The following DPF3 variants were observed in gnomAD, a reference collection of about 807,000 sequenced individuals.
DPF3 encodes zinc finger protein DPF3.
In DPF3, 18 loss-of-function variants were observed where a neutral mutation model predicts 56.8. The observed-to-expected ratio is 0.32, with a 90% CI of 0.22 to 0.47. The LOEUF is 0.47. Ranked by LOEUF, DPF3 falls within the 20% of genes least tolerant of loss-of-function variation. The pLI is 1.00. For synonymous variants in DPF3, 188 were observed against 180.2 expected, an observed-to-expected ratio of 1.04 and a Z score of -0.35; for missense variants, 403 against 488.8, an observed-to-expected ratio of 0.82 and a Z score of 1.65.
intron 1 of DPF3, among the ~76,000 whole-genome samples, chr14:72,801,495 C>T (rs999021439): frequency 2.0e-5 from 3 of 152,214 alleles, no homozygotes; most frequent in African/African-American, 7.2e-5. Flanking sequence ...GTGCACTCTT[C>T]ACCATGGTTT....
At chr14:72,847,908 G>C (rs1884824851) in intron 1 of DPF3, among the ~76,000 whole-genome samples, 1 of 152,162 alleles carries the variant, frequency 6.6e-6, no homozygotes, top group African/African-American at 2.4e-5. Context: ...ATCCCTTGTG[G>C]CCAGGTGTGG....
chr14:72,724,889 G>C (rs1278082498), intron 4 of DPF3, among the ~76,000 whole-genome samples: 1 of 151,910 alleles, frequency 6.6e-6, no homozygotes, highest in Admixed American at 6.6e-5. Flanking sequence ...ATTTTTTGTA[G>C]AGATGGGGGT....
At chr14:72,848,976 T>C (rs1285310816) in intron 1 of DPF3, among the ~76,000 whole-genome samples, 1 of 152,188 alleles carries the variant, frequency 6.6e-6, no homozygotes, top group African/African-American at 2.4e-5. Flanking sequence ...TTCATTTTCA[T>C]TCAATTCTCA....
chr14:72,673,437 T>A (rs982319731), intron 8 of DPF3, among the ~76,000 whole-genome samples: 2 of 152,122 alleles, frequency 1.3e-5, no homozygotes, highest in Non-Finnish European at 2.9e-5. Flanking sequence ...AGTGCTGACA[T>A]AATACAATAT....
chr14:72,807,044 G>A (rs575722847), intron 1 of DPF3, among the ~76,000 whole-genome samples: 19 of 152,218 alleles, frequency 1.2e-4, no homozygotes, highest in Non-Finnish European at 1.9e-4. Flanking sequence ...GCCCTACCCC[G>A]CAGGGTCAGG....
intron 1 of DPF3, among the ~76,000 whole-genome samples, chr14:72,883,292 T>A (rs543064699): frequency 6.6e-6 from 1 of 151,662 alleles, no homozygotes; most frequent in African/African-American, 2.4e-5. Flanking sequence ...GAGACCCCCA[T>A]CTCTATAAAA....
intron 1 of DPF3, among the ~76,000 whole-genome samples, chr14:72,787,989 G>C (rs1247270553): frequency 2.0e-5 from 3 of 152,246 alleles, no homozygotes; most frequent in Non-Finnish European, 4.4e-5. Flanking sequence ...GTGCTGGAGA[G>C]AAGAGAGGGC....
chr14:72,712,106 G>A (rs908652814), intron 6 of DPF3, among the ~76,000 whole-genome samples: 4 of 152,098 alleles, frequency 2.6e-5, no homozygotes, highest in East Asian at 3.9e-4. Flanking sequence ...AGAGGGAGAG[G>A]AGGCAGCACG....
chr14:72,864,467 C>T (rs1885581877), intron 1 of DPF3, among the ~76,000 whole-genome samples: 1 of 152,234 alleles, frequency 6.6e-6, no homozygotes, highest in African/African-American at 2.4e-5. Context: ...ATATCCCCAG[C>T]ACCTACAGTG....
At chr14:72,671,191 C>T (rs955224884) in intron 8 of DPF3, 23 of 1,613,834 alleles carry the variant, frequency 1.4e-5, no homozygotes, top group Middle Eastern at 1.6e-4. Flanking sequence ...GCGGCGTCCT[C>T]GACAGGAGCG....
intron 1 of DPF3, among the ~76,000 whole-genome samples, chr14:72,843,743 T>C (rs1224497131): frequency 2.0e-5 from 3 of 152,214 alleles, no homozygotes; most frequent in Non-Finnish European, 2.9e-5. Context: ...GGTTTCTCCA[T>C]GTTGGTCAGG....
In DPF3 at chr14:72,619,990, G is replaced by A. The variant is rs45521240; in HGVS notation, c.985-6C>T. ...TCGCAGAAGAGTAGCTGGTCCTGGTGGAACACAGAGTAAGCACAGAGGAGG... is the reference window on the plus strand; with the variant it reads ...TCGCAGAAGAGTAGCTGGTCCTGGTAGAACACAGAGTAAGCACAGAGGAGG... On this transcript the variant is annotated splice_region_variant and splice_polypyrimidine_tract_variant and intron_variant, in intron 9 of 10. Coordinates refer to ENST00000556509, the MANE Select transcript of DPF3 (RefSeq NM_001280542.3). The A allele has an allele frequency of 3.2e-3, 4,894 of 1,533,110 alleles. 5 individuals are homozygous for A. The highest frequency in any genetic ancestry group is 4.0e-3 in the Non-Finnish European group (4,558 of 1,145,222). 95.0% of individuals were successfully genotyped at this position (1,533,110 alleles called of 1,614,324 possible).
chr14:72,692,560 T>A (rs925264991), intron 7 of DPF3, among the ~76,000 whole-genome samples: 1 of 152,158 alleles, frequency 6.6e-6, no homozygotes, highest in African/African-American at 2.4e-5. Context: ...GCAAAGAACA[T>A]GGGGTCTCCA....
chr14:72,621,129 A>C (rs903708402), intron 9 of DPF3, among the ~76,000 whole-genome samples: 5 of 142,098 alleles, frequency 3.5e-5, no homozygotes, highest in Non-Finnish European at 7.6e-5. Context: ...CAACTGAGTG[A>C]GACTCTGTCT....
Position 72,732,023 on chromosome 14 carries a change from C to A in DPF3, c.302-89G>T, listed in dbSNP as rs182229339. On this transcript the variant is annotated intron_variant, in intron 3 of 10. Transcript: ENST00000556509. ...CCTGGAGGACACGCAGGGCCCAGGG[C>A]TCCTGAGGAGGACTCGGGGCCTGTG... 5.4e-4 allele frequency: 807 copies of A among 1,497,752 alleles called. 6 individuals are homozygous for A. The African/African-American group carries it at 0.01, about 19-fold the overall frequency. 92.8% of individuals were successfully genotyped at this position (1,497,752 alleles called of 1,614,324 possible).
chr14:72,636,715 C>T (rs953461319), intron 8 of DPF3, among the ~76,000 whole-genome samples: 2 of 152,228 alleles, frequency 1.3e-5, no homozygotes, highest in East Asian at 1.9e-4. Flanking sequence ...CAAAGGTCTG[C>T]AGGTTCACCT....
chr14:72,641,007 G>C (rs1885546102), intron 8 of DPF3, among the ~76,000 whole-genome samples: 1 of 152,132 alleles, frequency 6.6e-6, no homozygotes, highest in African/African-American at 2.4e-5. Context: ...GAGAAAGCTG[G>C]AGACAATGTG....
intron 8 of DPF3, chr14:72,670,405 T>A: frequency 1.0e-6 from 1 of 985,924 alleles, no homozygotes; most frequent in Non-Finnish European, 1.2e-6. Flanking sequence ...GGCCCAGGTG[T>A]GGAGGGAGGC....
chr14:72,830,847 G>A (rs1884022778), intron 1 of DPF3, among the ~76,000 whole-genome samples: 1 of 152,096 alleles, frequency 6.6e-6, no homozygotes, highest in South Asian at 2.1e-4. Flanking sequence ...CCTGAAACCC[G>A]ACACATCTGA....
Sources: gnomAD v4.1 joint callset for allele counts (sites outside exome capture counted in the v4.1 genomes callset) on GRCh38, gnomAD v4.1.1 for gene constraint, MANE v1.5 for transcripts, NCBI Gene and HGNC (gene_info 2026-07-23, HGNC 2026-07-21) for gene names.